The following DCTN4 variants were observed in gnomAD, a reference collection of about 807,000 sequenced individuals.
DCTN4 encodes the protein dynactin subunit 4.
A neutral mutation model predicts 62.7 loss-of-function variants in DCTN4; 23 were observed. That is an observed-to-expected ratio of 0.37 (90% confidence interval 0.26 to 0.52). The LOEUF is 0.52. DCTN4 is among the 20% of genes least tolerant of loss of function. The pLI is 0.92. For synonymous variants in DCTN4, 199 were observed against 202.1 expected (o/e 0.98, Z 0.13); for missense variants, 514 against 580.4 (o/e 0.89, Z 1.18).
chr5:150,746,936 C>T (rs1752461251), intron 3 of DCTN4, among the ~76,000 whole-genome samples: 1 of 152,080 alleles, frequency 6.6e-6, no homozygotes. Flanking sequence ...GAGTTCTGGC[C>T]AGGGCAATCA....
At chr5:150,727,905 T>C (rs1156254314) in intron 8 of DCTN4, among the ~76,000 whole-genome samples, 1 of 152,028 alleles carries the variant, frequency 6.6e-6, no homozygotes, top group East Asian at 1.9e-4. Flanking sequence ...TGATATTTGA[T>C]AAAAAATTGC....
At position 150,733,458 on chromosome 5, in the gene DCTN4, TTCAA is replaced by T. The variant is rs1368048044; in HGVS notation, c.443_446del (p.Ile148AsnfsTer66). ...CTTTCTGAGCAAGCTGCTGGTAATA[TTCAA>T]TCAATTTGTTCATCTGTAAGAAAAT... On this transcript the variant is annotated frameshift_variant, in exon 5 of 13. Transcript: ENST00000447998. LOFTEE classifies it high-confidence loss of function. The T allele has an allele frequency of 3.1e-6, 5 of 1,613,616 alleles. No homozygotes were observed. The highest frequency in any genetic ancestry group is 4.2e-6 in the Non-Finnish European group (5 of 1,179,818).
intron 5 of DCTN4, 35 bp from the exon 6 acceptor site, chr5:150,731,524 CA>C (rs1243806236): frequency 6.6e-7 from 1 of 1,506,504 alleles, no homozygotes; most frequent in Non-Finnish European, 9.2e-7. Flanking sequence ...TTAGAAAGTC[CA>C]CTTTTACACA....
chr5:150,742,024 G>A (rs775114560), intron 4 of DCTN4, 90 bp downstream of exon 4: 96 of 1,078,988 alleles, frequency 8.9e-5, no homozygotes, highest in Non-Finnish European at 1.3e-4. Flanking sequence ...TATAAACACA[G>A]CTCATATCTA....
intron 4 of DCTN4, among the ~76,000 whole-genome samples, chr5:150,739,199 T>G (rs1760687326): frequency 6.6e-6 from 1 of 151,276 alleles, no homozygotes; most frequent in Admixed American, 6.6e-5. Context: ...AAAAAAAAGT[T>G]TTGAATTCAG....
At position 150,731,085 on chromosome 5, in the gene DCTN4, A is replaced by G; in HGVS notation, c.683T>C (p.Leu228Pro). 3.7e-6 allele frequency: 6 copies of G among 1,611,804 alleles called. No individual in the cohort carries two copies. Among genetic ancestry groups the G allele is most frequent in the South Asian group, 2.2e-5 (2 of 91,024 alleles). ...TGGTCTTGTATAATAGTCTTCAGGT[A>G]GAGGTTCCACTTCATCCACAGCCTG... ...PAQAVDEVEP[L>P]PEDYYTRPVN... The change falls in exon 7 of 13, where the codon CTA (leucine) becomes CCA (proline). Residue 228 changes from leucine to proline, a missense_variant. Coordinates refer to ENST00000447998, the MANE Select transcript of DCTN4 (RefSeq NM_016221.4).
chr5:150,733,326 G>A (rs781743056), intron 5 of DCTN4, 42 bp downstream of exon 5: 4 of 1,398,320 alleles, frequency 2.9e-6, no homozygotes, highest in Non-Finnish European at 4.0e-6. Context: ...CTGTTCTTAG[G>A]CCTTAGAGGT....
chr5:150,712,715 G>A (rs1020015309), intron 12 of DCTN4, among the ~76,000 whole-genome samples: 2 of 152,162 alleles, frequency 1.3e-5, no homozygotes, highest in African/African-American at 4.8e-5. Flanking sequence ...TCTCTTCATT[G>A]AGGTTTGCAT....
intron 3 of DCTN4, chr5:150,742,983 GGGT>G (rs1262766869): frequency 1.3e-5 from 2 of 156,076 alleles, no homozygotes; most frequent in African/African-American, 4.8e-5. Context: ...GCAGGACAGT[GGGT>G]GCAGCGCACC....
At chr5:150,750,547 A>C (rs1752636122) in intron 3 of DCTN4, among the ~76,000 whole-genome samples, 1 of 152,218 alleles carries the variant, frequency 6.6e-6, no homozygotes, top group Non-Finnish European at 1.5e-5. Flanking sequence ...AAGAAAATGA[A>C]AACAACCTAA....
At chr5:150,738,078 A>T (rs969879261) in intron 4 of DCTN4, among the ~76,000 whole-genome samples, 1 of 152,134 alleles carries the variant, frequency 6.6e-6, no homozygotes, top group Non-Finnish European at 1.5e-5. Flanking sequence ...AGAAATAGGA[A>T]CTCTGAACAG....
chr5:150,729,815 C>T (rs898077030), intron 8 of DCTN4, among the ~76,000 whole-genome samples: 3 of 152,140 alleles, frequency 2.0e-5, no homozygotes, highest in Admixed American at 6.5e-5. Flanking sequence ...ATCGAAAATG[C>T]TACCAGTGTT....
At chr5:150,723,817 A>C (rs1332235298) in intron 8 of DCTN4, among the ~76,000 whole-genome samples, 1 of 152,166 alleles carries the variant, frequency 6.6e-6, no homozygotes, top group Admixed American at 6.5e-5. Flanking sequence ...TTTCACAATA[A>C]CACAAAAGGG....
At chr5:150,732,314 T>C (rs1176081274) in intron 5 of DCTN4, among the ~76,000 whole-genome samples, 1 of 152,188 alleles carries the variant, frequency 6.6e-6, no homozygotes, top group East Asian at 1.9e-4. Context: ...CATGCCCAGC[T>C]AATTTTTTGT....
At chr5:150,712,390 A>G (rs1759602811) in intron 12 of DCTN4, among the ~76,000 whole-genome samples, 3 of 152,086 alleles carry the variant, frequency 2.0e-5, no homozygotes, top group Non-Finnish European at 4.4e-5. Flanking sequence ...TCAGCCTCCC[A>G]AAGTGCTGGG....
intron 5 of DCTN4, among the ~76,000 whole-genome samples, chr5:150,732,341 G>C (rs1045309485): frequency 6.6e-6 from 1 of 152,160 alleles, no homozygotes; most frequent in Non-Finnish European, 1.5e-5. Flanking sequence ...AGTAGAGACA[G>C]GGTTTCGCCA....
chr5:150,720,556 G>A (rs1759921863), intron 9 of DCTN4, among the ~76,000 whole-genome samples: 1 of 149,728 alleles, frequency 6.7e-6, no homozygotes. Context: ...ATGACTCACT[G>A]AAGCCTCGAC....
At chr5:150,749,091 A>T (rs1358529467) in intron 3 of DCTN4, among the ~76,000 whole-genome samples, 4 of 152,198 alleles carry the variant, frequency 2.6e-5, no homozygotes, top group Admixed American at 2.0e-4. Context: ...ACTATAAAAT[A>T]AAAAAATTGG....
At chr5:150,756,046 T>A (rs1752849086) in intron 2 of DCTN4, among the ~76,000 whole-genome samples, 1 of 150,986 alleles carries the variant, frequency 6.6e-6, no homozygotes, top group African/African-American at 2.4e-5. Context: ...TGTCTTTTTT[T>A]TTTTTTTTTT....
Sources: allele counts gnomAD v4.1 joint callset (sites outside exome capture counted in the v4.1 genomes callset), GRCh38; gene constraint gnomAD v4.1.1; transcripts MANE v1.5; gene names NCBI Gene and HGNC (gene_info 2026-07-23, HGNC 2026-07-21).